The following UGT1A8 variants were observed in gnomAD, a reference collection of about 807,000 sequenced individuals.
UGT1A8 encodes the protein UDP glucuronosyltransferase family 1 member A8, also known as UDP-glucuronosyltransferase 1A8.
UGT1A8 carries 39 observed loss-of-function variants against 45.3 expected under a neutral mutation model. The observed-to-expected ratio is 0.86, with a 90% CI of 0.67 to 1.12. The LOEUF (loss-of-function observed/expected upper bound fraction) is 1.12, where lower values mean the gene tolerates loss of function less well. Ranked by LOEUF, UGT1A8 falls within the 50% of genes most tolerant of loss-of-function variation. UGT1A8 has a pLI of 0.00. For synonymous variants in UGT1A8, 275 were observed against 249.2 expected, an observed-to-expected ratio of 1.10 and a Z score of -0.97; for missense variants, 719 against 664.9, an observed-to-expected ratio of 1.08 and a Z score of -0.90.
intron 1 of UGT1A8, among the ~76,000 whole-genome samples, chr2:233,642,914 C>T (rs1290958302): frequency 6.6e-6 from 1 of 152,316 alleles, no homozygotes; most frequent in Non-Finnish European, 1.5e-5. Flanking sequence ...CTGTCTCTCT[C>T]TCTGTTCTGA....
chr2:233,747,081 A>G (rs1196647513), intron 1 of UGT1A8: 7 of 1,127,108 alleles, frequency 6.2e-6, no homozygotes, highest in Non-Finnish European at 1.2e-6. Context: ...ATTAACTAGG[A>G]GGAGAGCACT....
intron 1 of UGT1A8, among the ~76,000 whole-genome samples, chr2:233,765,711 TTAATAA>T (rs10664358): frequency 2.7e-5 from 4 of 149,240 alleles, no homozygotes; most frequent in African/African-American, 7.4e-5. Context: ...ATAATAATAA[TTAATAA>T]TAATAATAAT....
intron 1 of UGT1A8, among the ~76,000 whole-genome samples, chr2:233,698,543 T>A (rs182452303): frequency 6.6e-6 from 1 of 152,142 alleles, no homozygotes; most frequent in South Asian, 2.1e-4. Context: ...AGAACACGAG[T>A]GGCCAACAAA....
chr2:233,732,226 C>A (rs1208846132), intron 1 of UGT1A8, among the ~76,000 whole-genome samples: 1 of 152,142 alleles, frequency 6.6e-6, no homozygotes, highest in Non-Finnish European at 1.5e-5. Context: ...AAAATTTTCT[C>A]CCATTCTGTA....
chr2:233,650,814 T>C (rs1277672916), intron 1 of UGT1A8, among the ~76,000 whole-genome samples: 6 of 152,342 alleles, frequency 3.9e-5, no homozygotes, highest in Admixed American at 1.3e-4. Flanking sequence ...AAAAGTTTGT[T>C]TGGCACAAAG....
chr2:233,667,342 A>G (rs1231761828), intron 1 of UGT1A8, among the ~76,000 whole-genome samples: 1 of 152,216 alleles, frequency 6.6e-6, no homozygotes, highest in Non-Finnish European at 1.5e-5. Context: ...TAGAAAGCTG[A>G]AACTGGATCC....
chr2:233,632,061 A>G (rs1201666505), intron 1 of UGT1A8, among the ~76,000 whole-genome samples: 1 of 152,216 alleles, frequency 6.6e-6, no homozygotes, highest in East Asian at 1.9e-4. Context: ...ATGGCTAGCC[A>G]GTTTTCCCAA....
At chr2:233,765,091 C>T (rs1473276364) in intron 1 of UGT1A8, among the ~76,000 whole-genome samples, 1 of 152,110 alleles carries the variant, frequency 6.6e-6, no homozygotes, top group Non-Finnish European at 1.5e-5. Context: ...TCTAGGGTGA[C>T]CAGCATCCTG....
In UGT1A8 at chr2:233,648,832, C is replaced by T. The variant is rs193192609; in HGVS notation, c.855+30270C>T. ...CTACTTAGAGGAGCATTTATTTTGC[C>T]CATATTTTTTCAAAAATGCCTTAAA... On this transcript the variant is annotated intron_variant, in intron 1 of 4. Transcript: ENST00000373450. The T allele has an allele frequency of 3.7e-4, 407 of 1,088,010 alleles. 2 individuals carry two copies. In the East Asian group the frequency reaches 0.01, roughly 27 times the overall value. The allele number at this position is 1,088,010 out of a possible 1,614,324, so 67.4% of individuals were successfully genotyped here.
chr2:233,689,779 G>A (rs1436002250), intron 1 of UGT1A8: 1 of 399,280 alleles, frequency 2.5e-6, no homozygotes, highest in Non-Finnish European at 4.9e-6. Context: ...GGGGACATAT[G>A]TTATGATGTG....
chr2:233,717,775 C>T, intron 1 of UGT1A8: 1 of 456,474 alleles, frequency 2.2e-6, no homozygotes, highest in Non-Finnish European at 4.4e-6. Context: ...ATTTAATTCT[C>T]CATTTTGAAA....
At chr2:233,670,028 C>T (rs2074150078) in intron 1 of UGT1A8, among the ~76,000 whole-genome samples, 1 of 152,120 alleles carries the variant, frequency 6.6e-6, no homozygotes, top group South Asian at 2.1e-4. Context: ...TATTAATAGC[C>T]TACTGTGCAC....
intron 1 of UGT1A8, among the ~76,000 whole-genome samples, chr2:233,726,762 C>T (rs2077560104): frequency 6.6e-6 from 1 of 152,196 alleles, no homozygotes; most frequent in Non-Finnish European, 1.5e-5. Flanking sequence ...CTACCACAGA[C>T]ACTAAGCTTA....
At chr2:233,719,441 C>T (rs2076766759) in intron 1 of UGT1A8, 2 of 1,613,982 alleles carry the variant, frequency 1.2e-6, no homozygotes, top group Non-Finnish European at 1.7e-6. Flanking sequence ...ACATGACATT[C>T]CTGCAAAGGG....
At chr2:233,659,546 C>T (rs2073924744) in intron 1 of UGT1A8, among the ~76,000 whole-genome samples, 1 of 152,008 alleles carries the variant, frequency 6.6e-6, no homozygotes, top group Non-Finnish European at 1.5e-5. Context: ...TTTTGATTGT[C>T]CTCCACTGAG....
At chr2:233,629,653 T>C (rs2073151844) in intron 1 of UGT1A8, among the ~76,000 whole-genome samples, 1 of 152,128 alleles carries the variant, frequency 6.6e-6, no homozygotes, top group Admixed American at 6.6e-5. Flanking sequence ...AATTAGGAAA[T>C]CCCCTAGGCT....
chr2:233,637,294 G>C (rs759180117), intron 1 of UGT1A8: 1 of 1,613,964 alleles, frequency 6.2e-7, no homozygotes, highest in Admixed American at 1.7e-5. Context: ...AACGGACTTT[G>C]TTTTGGACTA....
At chr2:233,711,892 T>C (rs2076203000) in intron 1 of UGT1A8, among the ~76,000 whole-genome samples, 1 of 152,214 alleles carries the variant, frequency 6.6e-6, no homozygotes, top group Admixed American at 6.5e-5. Context: ...ACGAGTCTCA[T>C]GGGCGTGAGA....
In UGT1A8 at chr2:233,628,557, A is replaced by G. The variant is rs1374547436; in HGVS notation, c.855+9995A>G. ...ACATAGATAAACTTATTGTCTGTGA[A>G]TGAGACCTTTTTTATTTTTTCTTTA... On this transcript the variant is annotated intron_variant, in intron 1 of 4. Transcript: ENST00000373450. 2.0e-5 allele frequency among the ~76,000 whole-genome samples: 3 copies of G among 152,046 alleles called. No individual in the cohort carries two copies. In the East Asian group the frequency reaches 5.8e-4, roughly 29 times the overall value.
Sources: gnomAD v4.1 joint callset for allele counts (sites outside exome capture counted in the v4.1 genomes callset) on GRCh38, gnomAD v4.1.1 for gene constraint, MANE v1.5 for transcripts, NCBI Gene and HGNC (gene_info 2026-07-23, HGNC 2026-07-21) for gene names.